The following GPRC5C variants were observed in gnomAD, a reference collection of about 807,000 sequenced individuals.
The protein encoded by GPRC5C is G protein-coupled receptor class C group 5 member C, also known as G protein-coupled receptor family C group 5 member C.
GPRC5C carries 22 observed loss-of-function variants against 31.4 expected under a neutral mutation model. The observed-to-expected ratio is 0.70, with a 90% confidence interval of 0.50 to 1.00. The LOEUF is 1.00. Ranked by LOEUF, GPRC5C falls within the 50% of genes least tolerant of loss-of-function variation. The pLI, the probability that GPRC5C is intolerant of heterozygous loss-of-function variation, is 0.00. For synonymous variants in GPRC5C, 249 were observed against 257.5 expected (o/e 0.97, Z 0.32); for missense variants, 557 against 597.2 (o/e 0.93, Z 0.70).
chr17:74,436,573 C>G (rs2144408801), intron 1 of GPRC5C, among the ~76,000 whole-genome samples: 1 of 152,298 alleles, frequency 6.6e-6, no homozygotes, highest in Middle Eastern at 3.4e-3. Flanking sequence ...ATTTTAAATG[C>G]CATCAAGTCA....
intron 1 of GPRC5C, among the ~76,000 whole-genome samples, chr17:74,432,706 C>A (rs2055373439): frequency 6.7e-6 from 1 of 149,890 alleles, no homozygotes; most frequent in African/African-American, 2.4e-5. Flanking sequence ...TGGGGGAGCC[C>A]GGCGCTGCGG....
At chr17:74,437,035 C>T (rs2055442019) in intron 1 of GPRC5C, among the ~76,000 whole-genome samples, 1 of 152,152 alleles carries the variant, frequency 6.6e-6, no homozygotes, top group African/African-American at 2.4e-5. Flanking sequence ...CTTCTGCCTC[C>T]CAGGTTCAAG....
intron 2 of GPRC5C, 156 bp from the exon 3 acceptor site, chr17:74,443,662 C>A (rs756886665): frequency 1.5e-6 from 1 of 660,240 alleles, no homozygotes; most frequent in Non-Finnish European, 2.8e-6. Flanking sequence ...CAACCTCACC[C>A]CCAAGTTGGC....
At position 74,442,929 on chromosome 17, in the gene GPRC5C, G is replaced by C. The variant is rs374135564; in HGVS notation, c.1052-889G>C. 1.1e-4 allele frequency: 16 copies of C among 152,274 alleles called. No individual in the cohort carries two copies. The East Asian group carries it at 2.9e-3, about 28-fold the overall frequency. The allele number at this position is 152,274 out of a possible 1,614,324, so 9.4% of individuals were successfully genotyped here. On this transcript the variant is annotated intron_variant, in intron 2 of 3. Transcript: ENST00000392627. ...CCGCCCCCACACTGAATGCCGGTCG[G>C]GGCCAAATGGTTCTCAACCTTGGGG...
rs779588399 is a variant in GPRC5C at position 74,439,726 on chromosome 17, CT to C, written c.-32-15del. On this transcript the variant is annotated intron_variant, in intron 1 of 3. Coordinates refer to ENST00000392627, the MANE Select transcript of GPRC5C (RefSeq NM_022036.4). ...TGATCTTGGAGGACTAATTTTGTCC[CT>C]TTTCCTTCTGTCTCTAGGGACCCAA... 1.9e-6 allele frequency: 3 copies of C among 1,576,374 alleles called. No individual in the cohort carries two copies. Among genetic ancestry groups the C allele is most frequent in the South Asian group, 1.2e-5 (1 of 86,116 alleles).
Position 74,446,865 on chromosome 17 carries a change from A to C in GPRC5C, c.1163A>C (p.Asp388Ala). The C allele has an allele frequency of 6.2e-7, 1 of 1,612,988 alleles. No individual in the cohort carries two copies. Among genetic ancestry groups the C allele is most frequent in the East Asian group, 2.2e-5 (1 of 44,850 alleles). The change falls in exon 4 of 4, where the codon GAC becomes GCC. Residue 388 changes from aspartate to alanine, a missense_variant. Physicochemically the swap from Asp to Ala is moderately radical, Grantham distance 126 (BLOSUM62 -2). Transcript: ENST00000392627. ...TCCTTCCAGTCCGAAGGAGCTTACG[A>C]CATCATCCTCCCACGGGCCACCGCC... ...MHKVPSEGAYDIILPRATANS... is the reference protein window; with the variant it reads ...MHKVPSEGAYAIILPRATANS...
chr17:74,433,583 G>A (rs1293931651), intron 1 of GPRC5C: 5 of 810,536 alleles, frequency 6.2e-6, no homozygotes, highest in Non-Finnish European at 1.1e-5. Flanking sequence ...ACCAGGGACT[G>A]GGAGAGACCG....
chr17:74,435,593 A>AG (rs1042961543), intron 1 of GPRC5C, among the ~76,000 whole-genome samples: 6 of 152,232 alleles, frequency 3.9e-5, no homozygotes, highest in African/African-American at 1.4e-4. Context: ...TTCTATATTG[A>AG]GGGGGTTGGC....
Position 74,446,917 on chromosome 17 carries a change from C to T in GPRC5C, c.1215C>T (p.Asn405=), listed in dbSNP as rs1305958951. The T allele has an allele frequency of 4.3e-6, 7 of 1,613,992 alleles. No homozygotes were observed. Among genetic ancestry groups the T allele is most frequent in the African/African-American group, 1.3e-5 (1 of 74,958 alleles). The stretch of plus-strand genomic sequence containing the variant: ...ACAGCCAGGTGATGGGCAGTGCCAA[C>T]TCGACCCTGCGGGCTGAAGACATGT... The part of the protein sequence containing the change: ...TANSQVMGSA[N]STLRAEDMYS... The change falls in exon 4 of 4, where the codon AAC becomes AAT. Residue 405 remains asparagine (N), a synonymous_variant. Transcript: ENST00000392627.
chr17:74,448,899 T>C (rs1162841674), downstream of GPRC5C: 1 of 1,289,738 alleles, frequency 7.8e-7, no homozygotes, highest in East Asian at 5.6e-5. Context: ...GCAGCCTCTC[T>C]CCGTGGCCCA....
At chr17:74,449,380 C>T (rs746580224), downstream of GPRC5C, 4 of 1,283,446 alleles carry the variant, frequency 3.1e-6, no homozygotes, top group South Asian at 5.0e-5. Flanking sequence ...GCCCTCTTCC[C>T]GGGACTGCAC....
downstream of GPRC5C, among the ~76,000 whole-genome samples, chr17:74,448,421 A>AGGG (rs2055674062): frequency 6.6e-6 from 1 of 152,118 alleles, no homozygotes; most frequent in Non-Finnish European, 1.5e-5. Flanking sequence ...TCTGTTGCCC[A>AGGG]GGCTAGGGTG....
chr17:74,450,698 G>C (rs981541848), downstream of GPRC5C: 3 of 151,884 alleles, frequency 2.0e-5, no homozygotes, highest in Admixed American at 6.7e-5. Flanking sequence ...AGAGGGTCCT[G>C]ACGGTCACCC....
Position 74,447,294 on chromosome 17 carries a change from G to A in GPRC5C, c.*266G>A, listed in dbSNP as rs1412396333. 8 of 1,223,170 alleles carry A rather than the reference G, an allele frequency of 6.5e-6. No homozygotes were observed. Among genetic ancestry groups the A allele is most frequent in the Admixed American group, 4.0e-5 (1 of 24,742 alleles). The allele number at this position is 1,223,170 out of a possible 1,614,324, so 75.8% of individuals were successfully genotyped here. Reference sequence around the variant, plus strand: ...CACACTCCAGCCAAATAGTGTTCTCGGGGTGGTGGCTGGGCAGCGCCTATG... The same window carrying A: ...CACACTCCAGCCAAATAGTGTTCTCAGGGTGGTGGCTGGGCAGCGCCTATG... On this transcript the variant is annotated 3_prime_UTR_variant, in exon 4 of 4. Transcript: ENST00000392627.
At chr17:74,435,468 G>A (rs2055419712) in intron 1 of GPRC5C, among the ~76,000 whole-genome samples, 1 of 152,218 alleles carries the variant, frequency 6.6e-6, no homozygotes, top group South Asian at 2.1e-4. Flanking sequence ...TTTCCTCTGA[G>A]GCTGTTAAGT....
At chr17:74,432,569 C>T in intron 1 of GPRC5C, 1 of 968,450 alleles carries the variant, frequency 1.0e-6, no homozygotes, top group Non-Finnish European at 1.2e-6. Flanking sequence ...AGAGTCGGGT[C>T]GGGACGGCGG....
chr17:74,438,502 C>A (rs771617614), intron 1 of GPRC5C, among the ~76,000 whole-genome samples: 2 of 151,958 alleles, frequency 1.3e-5, no homozygotes, highest in Non-Finnish European at 2.9e-5. Flanking sequence ...CTCAAGTGAT[C>A]CACCAGTCTT....
chr17:74,432,163 C>G lies in GPRC5C; in HGVS notation c.-33+22C>G, dbSNP rs555105025. The stretch of plus-strand genomic sequence containing the variant: ...GGAGGTGAGTCGGGGCGGGGAGGGC[C>G]GGGCAGGCTTTGTTCCTGTGTAAAC... On this transcript the variant is annotated intron_variant, in intron 1 of 3. Transcript: ENST00000392627. The G allele has an allele frequency of 1.7e-5, 27 of 1,603,726 alleles. No individual in the cohort carries two copies. In the Middle Eastern group the frequency reaches 5.0e-4, roughly 29 times the overall value.
At chr17:74,448,562 A>G (rs2055676471), downstream of GPRC5C, among the ~76,000 whole-genome samples, 1 of 152,050 alleles carries the variant, frequency 6.6e-6, no homozygotes. Context: ...TATTTTTAGT[A>G]GAGACAGGGT....
Sources: allele counts gnomAD v4.1 joint callset (sites outside exome capture counted in the v4.1 genomes callset), GRCh38; gene constraint gnomAD v4.1.1; transcripts MANE v1.5; gene names NCBI Gene and HGNC (gene_info 2026-07-23, HGNC 2026-07-21).